The following OTUD5 variants were observed in gnomAD, a reference collection of about 807,000 sequenced individuals.
The protein encoded by OTUD5 is OTU deubiquitinase 5.
Under a neutral mutation model 36.3 loss-of-function variants are expected in OTUD5, and 2 were observed. The observed-to-expected ratio is 0.06, with a 90% CI of 0.02 to 0.17. OTUD5 has a LOEUF of 0.17. OTUD5 is among the 10% of genes least tolerant of loss of function. OTUD5 has a pLI of 1.00. For synonymous variants in OTUD5, 234 were observed against 214.9 expected, an observed-to-expected ratio of 1.09 and a Z score of -0.78; for missense variants, 233 against 512.3, an observed-to-expected ratio of 0.45 and a Z score of 5.26.
intron 2 of OTUD5, among the ~76,000 whole-genome samples, chrX:48,937,209 C>T (rs1324657531): frequency 8.9e-6 from 1 of 111,928 alleles, no homozygotes; most frequent in Non-Finnish European, 1.9e-5. Flanking sequence ...GTCACATGTC[C>T]TGCGCACAGG....
At chrX:48,951,230 T>C (rs1244331504) in intron 1 of OTUD5, among the ~76,000 whole-genome samples, 1 of 111,493 alleles carries the variant, frequency 9.0e-6, no homozygotes, top group Non-Finnish European at 1.9e-5. Context: ...GTGTTTAGCA[T>C]TCTGTGACTC....
At chrX:48,935,197 G>A (rs2063811263) in intron 2 of OTUD5, among the ~76,000 whole-genome samples, 179 bp from the exon 3 acceptor site, 1 of 112,138 alleles carries the variant, frequency 8.9e-6, no homozygotes, top group African/African-American at 3.2e-5. Flanking sequence ...AATATGGCAG[G>A]CAGGGCCAGA....
chrX:48,956,748 A>G (rs976405951), intron 1 of OTUD5, among the ~76,000 whole-genome samples: 1 of 111,024 alleles, frequency 9.0e-6, no homozygotes, highest in African/African-American at 3.3e-5. Context: ...TAGACCTTAA[A>G]AGAGACCTCG....
At chrX:48,948,513 C>A (rs1263569941) in intron 1 of OTUD5, among the ~76,000 whole-genome samples, 1 of 111,931 alleles carries the variant, frequency 8.9e-6, no homozygotes, top group Non-Finnish European at 1.9e-5. Flanking sequence ...CACAGAATAT[C>A]CTGGTTTGTC....
In OTUD5 at chrX:48,923,803, G is replaced by A. The variant is rs370637219; in HGVS notation, c.1465+48C>T. The A allele has an allele frequency of 4.6e-5, 55 of 1,188,041 alleles. No individual in the cohort carries two copies. The Middle Eastern group carries it at 7.0e-4, about 15-fold the overall frequency. Reference sequence around the variant, plus strand: ...CCAGGATCCAGGACCCAGGACCCAGGACGTGCCTCCTAACTCCCAGCACAT... The same window carrying A: ...CCAGGATCCAGGACCCAGGACCCAGAACGTGCCTCCTAACTCCCAGCACAT... On this transcript the variant is annotated intron_variant, in intron 7 of 8. Coordinates refer to ENST00000376488, the MANE Select transcript of OTUD5 (RefSeq NM_001136157.2).
chrX:48,939,837 C>A (rs1488629640), intron 2 of OTUD5, among the ~76,000 whole-genome samples: 1 of 112,635 alleles, frequency 8.9e-6, no homozygotes, highest in Non-Finnish European at 1.9e-5. Context: ...CCTATAGGGT[C>A]CTACCATTTG....
chrX:48,922,700 G>A lies in OTUD5; in HGVS notation c.*474C>T. Reference sequence around the variant, plus strand: ...CATTGAAGGCTCAGACGTTCTTGGGGGTACTGGGAAGGGAAATTTCCCACT... The same window carrying A: ...CATTGAAGGCTCAGACGTTCTTGGGAGTACTGGGAAGGGAAATTTCCCACT... On this transcript the variant is annotated 3_prime_UTR_variant, in exon 9 of 9. Transcript: ENST00000376488. The A allele has an allele frequency of 4.0e-6, 3 of 756,844 alleles. No homozygotes were observed. The highest frequency in any genetic ancestry group is 4.7e-6 in the Non-Finnish European group (3 of 640,587). The allele number at this position is 756,844 out of a possible 1,213,427, so 62.4% of individuals were successfully genotyped here.
At position 48,923,214 on chromosome X, in the gene OTUD5, T is replaced by C; in HGVS notation, c.1661A>G (p.Lys554Arg). Residue 554 changes from lysine to arginine, a missense_variant, in exon 9 of 9, where the codon AAA becomes AGA. Around this residue, in one of 3 missense-constraint regions of OTUD5, gnomAD observed 57 missense variants for 133.1 expected, o/e 0.43. Coordinates refer to ENST00000376488, the MANE Select transcript of OTUD5 (RefSeq NM_001136157.2). ...GGGCGGGTCTCTGTGCACTTTGTTTTTCTTCATACTGTCTAGGTATTCCTG... is the reference window on the plus strand; with the variant it reads ...GGGCGGGTCTCTGTGCACTTTGTTTCTCTTCATACTGTCTAGGTATTCCTG... ...SQQEYLDSMK[K>R]NKVHRDPPPD... 8.3e-7 allele frequency: 1 copy of C among 1,208,367 alleles called. No individual in the cohort carries two copies. Among genetic ancestry groups the C allele is most frequent in the Non-Finnish European group, 1.1e-6 (1 of 892,910 alleles).
chrX:48,931,956 G>T (rs1373464201), intron 5 of OTUD5, among the ~76,000 whole-genome samples: 3 of 107,212 alleles, frequency 2.8e-5, no homozygotes, highest in Non-Finnish European at 5.8e-5. Flanking sequence ...TTCGAGACCA[G>T]CCTTTGACAT....
At position 48,932,708 on chromosome X, in the gene OTUD5, C is replaced by T. The variant is rs782258835; in HGVS notation, c.1059+1756G>A. Among the ~76,000 whole-genome samples the T allele has an allele frequency of 3.6e-5, 4 of 111,304 alleles. No homozygotes were observed. The East Asian group carries it at 1.1e-3, about 31-fold the overall frequency. ...CCTGTAATTCCAGCACTTTGGGAGG[C>T]CGAGGCACAAGGATCACTTGAGCCC... On this transcript the variant is annotated intron_variant, in intron 5 of 8. Coordinates refer to ENST00000376488, the MANE Select transcript of OTUD5 (RefSeq NM_001136157.2).
At chrX:48,930,872 G>T (rs1313316641) in intron 5 of OTUD5, among the ~76,000 whole-genome samples, 1 of 109,696 alleles carries the variant, frequency 9.1e-6, no homozygotes, top group Non-Finnish European at 1.9e-5. Flanking sequence ...TGAGGCAGGA[G>T]AATCGCTTGA....
chrX:48,937,163 A>T (rs1410250495), intron 2 of OTUD5, among the ~76,000 whole-genome samples: 4 of 108,045 alleles, frequency 3.7e-5, no homozygotes, highest in Non-Finnish European at 7.7e-5. Flanking sequence ...CTGCGGCCAC[A>T]CTCTCCCCCG....
chrX:48,936,083 G>A (rs910830446), intron 2 of OTUD5: 6 of 110,647 alleles, frequency 5.4e-5, no homozygotes, highest in African/African-American at 2.0e-4. Context: ...TCCGTAGGGA[G>A]GCCTGAATGT....
At chrX:48,948,085 C>T (rs948192963) in intron 1 of OTUD5, among the ~76,000 whole-genome samples, 4 of 112,783 alleles carry the variant, frequency 3.5e-5, no homozygotes, top group East Asian at 2.8e-4. Context: ...CGGTGGCTCA[C>T]GCCTGTAATC....
At chrX:48,933,912 G>GAA (rs782468308) in intron 5 of OTUD5, among the ~76,000 whole-genome samples, 2 of 111,105 alleles carry the variant, frequency 1.8e-5, no homozygotes, top group Non-Finnish European at 3.8e-5. Context: ...ATGACTGTAA[G>GAA]AGAGAGAGAG....
chrX:48,943,985 T>G (rs1463497808), intron 2 of OTUD5, among the ~76,000 whole-genome samples: 1 of 111,966 alleles, frequency 8.9e-6, no homozygotes, highest in Non-Finnish European at 1.9e-5. Flanking sequence ...TCATTCTTCT[T>G]GCTGTTATTA....
intron 1 of OTUD5, among the ~76,000 whole-genome samples, chrX:48,946,586 G>A (rs1225112368): frequency 8.9e-6 from 1 of 112,015 alleles, no homozygotes; most frequent in African/African-American, 3.2e-5. Flanking sequence ...CGCAGCACAA[G>A]GACTCCTGTT....
At chrX:48,958,331 G>C (rs2064294235), upstream of OTUD5, 1 of 112,761 alleles carries the variant, frequency 8.9e-6, no homozygotes. Context: ...CTGTCAGCCG[G>C]AATGACTGGA....
upstream of OTUD5, chrX:48,957,749 C>CGGCGGCGGTGGT (rs1275756603): frequency 1.3e-6 from 1 of 782,451 alleles, no homozygotes; most frequent in African/African-American, 2.4e-5. Flanking sequence ...GCGGCGGCGG[C>CGGCGGCGGTGGT]GGTGGCGGCG....
Sources: gnomAD v4.1 joint callset for allele counts (sites outside exome capture counted in the v4.1 genomes callset) on GRCh38, gnomAD v4.1.1 for gene constraint, gnomAD v4.1.1 regional missense constraint, MANE v1.5 for transcripts, NCBI Gene and HGNC (gene_info 2026-07-23, HGNC 2026-07-21) for gene names.